Variants in LRRC37A2 observed in about 807,000 individuals in gnomAD.
LRRC37A2 encodes the protein leucine rich repeat containing 37 member A2, also known as leucine-rich repeat-containing protein 37A2.
A neutral mutation model predicts 68.8 loss-of-function variants in LRRC37A2; 9 were observed. That is an observed-to-expected ratio of 0.13 (90% CI 0.08 to 0.23). The LOEUF (loss-of-function observed/expected upper bound fraction) is 0.23. LRRC37A2 is among the 10% of genes least tolerant of loss of function. The pLI is 1.00. For missense variants in LRRC37A2, 168 were observed against 950.4 expected, an observed-to-expected ratio of 0.18 and a Z score of 10.82; for synonymous variants, 63 against 367.6, an observed-to-expected ratio of 0.17 and a Z score of 9.48.
chr17:46,770,169 G>T, the LRRC37A2 span: 1 of 1,336,834 alleles, frequency 7.5e-7, no homozygotes, highest in Non-Finnish European at 9.9e-7. Context: ...GAGCTCACCA[G>T]CCCTGAGGCA....
chr17:46,872,910 C>T, the LRRC37A2 span: 1 of 1,104,212 alleles, frequency 9.1e-7, no homozygotes, highest in Admixed American at 3.1e-5. Flanking sequence ...TAGCACGGTC[C>T]CAAATGAGAA....
the LRRC37A2 span, among the ~76,000 whole-genome samples, chr17:47,024,474 AGTGT>A: frequency 2.0e-5 from 3 of 151,138 alleles, no homozygotes; most frequent in Non-Finnish European, 4.4e-5. Context: ...GGTGTGCTTG[AGTGT>A]GTGTGTGTGT....
the LRRC37A2 span, among the ~76,000 whole-genome samples, chr17:46,796,053 C>T: frequency 6.6e-6 from 1 of 152,166 alleles, no homozygotes; most frequent in East Asian, 1.9e-4. Flanking sequence ...AGGAGCTGTC[C>T]CATCCGCAGG....
At chr17:46,939,183 A>G in the LRRC37A2 span, 1 of 1,087,252 alleles carries the variant, frequency 9.2e-7, no homozygotes, top group South Asian at 2.8e-5. Context: ...AAAAGTGGAA[A>G]GGAAAGGAAA....
the LRRC37A2 span, among the ~76,000 whole-genome samples, chr17:46,834,723 G>T: frequency 6.6e-6 from 1 of 152,030 alleles, no homozygotes; most frequent in Non-Finnish European, 1.5e-5. Context: ...AACCTGGAAG[G>T]TTCCCTCTGC....
At chr17:46,845,846 A>G in the LRRC37A2 span, among the ~76,000 whole-genome samples, 1 of 134,416 alleles carries the variant, frequency 7.4e-6, no homozygotes, top group Non-Finnish European at 1.5e-5. Context: ...GCTAGAGTGC[A>G]GTGGTGTGGT....
the LRRC37A2 span, among the ~76,000 whole-genome samples, chr17:46,897,940 C>G: frequency 2.6e-5 from 4 of 152,090 alleles, no homozygotes; most frequent in Non-Finnish European, 5.9e-5. Context: ...CACCCAGGAC[C>G]CAGGTGAGGA....
chr17:46,836,951 TC>T, the LRRC37A2 span, among the ~76,000 whole-genome samples: 1 of 152,208 alleles, frequency 6.6e-6, no homozygotes, highest in South Asian at 2.1e-4. Flanking sequence ...TTTCTTTTTT[TC>T]TTTTTTTTGA....
chr17:47,032,478 C>A, the LRRC37A2 span, among the ~76,000 whole-genome samples: 1 of 152,340 alleles, frequency 6.6e-6, no homozygotes, highest in East Asian at 1.9e-4. Flanking sequence ...GCTCTTAGTT[C>A]TCCTGTAATA....
At chr17:46,500,563 T>C in the LRRC37A2 span, among the ~76,000 whole-genome samples, 3 of 150,466 alleles carry the variant, frequency 2.0e-5, no homozygotes, top group Non-Finnish European at 2.9e-5. Flanking sequence ...TTAATGACCA[T>C]AGAAATCACC....
chr17:46,935,267 T>C, the LRRC37A2 span: 2 of 1,601,350 alleles, frequency 1.2e-6, no homozygotes, highest in Admixed American at 1.7e-5. Flanking sequence ...TGTCCTCAAA[T>C]TGTGATATTT....
At chr17:46,852,005 C>T in the LRRC37A2 span, among the ~76,000 whole-genome samples, 1 of 152,138 alleles carries the variant, frequency 6.6e-6, no homozygotes, top group Non-Finnish European at 1.5e-5. Flanking sequence ...GCGCACGCCT[C>T]GGACCCTGGC....
the LRRC37A2 span, chr17:46,876,703 C>T: frequency 8.4e-6 from 13 of 1,552,792 alleles, no homozygotes; most frequent in East Asian, 2.3e-4. Flanking sequence ...AGCTTGTGTA[C>T]ACCTGCAAGC....
At chr17:46,499,340 G>GGA in the LRRC37A2 span, among the ~76,000 whole-genome samples, 5 of 140,656 alleles carry the variant, frequency 3.6e-5, no homozygotes, top group South Asian at 1.0e-3. Context: ...AAAAAAGGTG[G>GGA]GGGGACAATG....
At chr17:46,710,421 A>G in the LRRC37A2 span, among the ~76,000 whole-genome samples, 52 of 152,280 alleles carry the variant, frequency 3.4e-4, no homozygotes, top group Admixed American at 3.0e-3. Context: ...CCTCATTTCT[A>G]TCTCATCCTA....
the LRRC37A2 span, among the ~76,000 whole-genome samples, chr17:46,996,857 AGCCAATTCTTCT>A: frequency 1.3e-5 from 2 of 152,318 alleles, no homozygotes; most frequent in African/African-American, 4.8e-5. Context: ...GACTGGGGCC[AGCCAATTCTTCT>A]GCTGGTGACA....
chr17:46,741,411 C>T, the LRRC37A2 span, among the ~76,000 whole-genome samples: 2 of 152,210 alleles, frequency 1.3e-5, no homozygotes, highest in East Asian at 1.9e-4. Flanking sequence ...CATGAATTCC[C>T]CCCCTTATTG....
At chr17:46,779,096 CACA>C in the LRRC37A2 span, among the ~76,000 whole-genome samples, 1 of 135,398 alleles carries the variant, frequency 7.4e-6, no homozygotes, top group East Asian at 2.5e-4. Context: ...CACACACACA[CACA>C]CACACCCCAG....
At chr17:46,923,530 C>T in the LRRC37A2 span, 6 of 1,345,182 alleles carry the variant, frequency 4.5e-6, no homozygotes, top group African/African-American at 1.5e-5. Context: ...TTGTCCAGCA[C>T]TTGTCAACTC....
Sources: allele counts gnomAD v4.1 joint callset (sites outside exome capture counted in the v4.1 genomes callset), GRCh38; gene constraint gnomAD v4.1.1; transcripts MANE v1.5; gene names NCBI Gene and HGNC (gene_info 2026-07-23, HGNC 2026-07-21).